USP9X: variants seen among roughly 807,000 people sequenced by gnomAD.
USP9X encodes the protein ubiquitin specific peptidase 9 X-linked.
Under a neutral mutation model 190.3 loss-of-function variants are expected in USP9X, and 7 were observed. That is an observed-to-expected ratio of 0.04 (90% CI 0.02 to 0.07). The LOEUF (loss-of-function observed/expected upper bound fraction) is 0.07, where lower values mean the gene tolerates loss of function less well. Ranked by LOEUF, USP9X falls within the 10% of genes least tolerant of loss-of-function variation. The pLI is 1.00. For synonymous variants in USP9X, 645 were observed against 659.5 expected (o/e 0.98, Z 0.34); for missense variants, 1,010 against 1,916.9 (o/e 0.53, Z 8.83).
At chrX:41,087,781 T>C (rs1053940028) in intron 1 of USP9X, among the ~76,000 whole-genome samples, 1 of 112,392 alleles carries the variant, frequency 8.9e-6, no homozygotes, top group African/African-American at 3.2e-5. Flanking sequence ...TGCATGAACA[T>C]GTAACTTGTA....
Position 41,197,352 on chromosome X carries a change from C to CCCCCCCGGGGGGGGGG in USP9X, c.4234-12_4234-11insCCCCCCGGGGGGGGGG. 1 of 988,219 alleles carries CCCCCCCGGGGGGGGGG rather than the reference C, an allele frequency of 1.0e-6. No individual in the cohort carries two copies. Among genetic ancestry groups the CCCCCCCGGGGGGGGGG allele is most frequent in the Non-Finnish European group, 1.3e-6 (1 of 759,386 alleles). The allele number at this position is 988,219 out of a possible 1,213,427, so 81.4% of individuals were successfully genotyped here. A position where few individuals can be genotyped will look rare whatever the true frequency, so the allele number is the denominator to read the frequency against. ...TTCTTCCCCCCCCCACCCCACCCCCCGCCTTTGGCAGGATGATGTTAAAAG... is the reference window on the plus strand; with the variant it reads ...TTCTTCCCCCCCCCACCCCACCCCCCCCCCCCGGGGGGGGGGGCCTTTGGCAGGATGATGTTAAAAG... On this transcript the variant is annotated splice_polypyrimidine_tract_variant and intron_variant, in intron 28 of 44. Coordinates refer to ENST00000378308, the MANE Select transcript of USP9X (RefSeq NM_001039591.3).
At chrX:41,160,382 C>T (rs1425138724) in intron 14 of USP9X, among the ~76,000 whole-genome samples, 1 of 109,846 alleles carries the variant, frequency 9.1e-6, no homozygotes, top group African/African-American at 3.3e-5. Context: ...AAGAGGGCCT[C>T]TTCATTCCTA....
chrX:41,207,079 CTTTTTTTTTTTTTT>C lies in USP9X; in HGVS notation c.5015+1599_5015+1612del, dbSNP rs34779889. Among the ~76,000 whole-genome samples the C allele has an allele frequency of 2.3e-4, 7 of 30,484 alleles. No individual in the cohort carries two copies. In the Admixed American group the frequency reaches 3.9e-3, roughly 17 times the overall value. 26.5% of individuals were successfully genotyped at this position (30,484 alleles called of 115,157 possible). A position where few individuals can be genotyped will look rare whatever the true frequency, so the allele number is the denominator to read the frequency against. On this transcript the variant is annotated intron_variant, in intron 32 of 44. Coordinates refer to ENST00000378308, the MANE Select transcript of USP9X (RefSeq NM_001039591.3). ...TAGGCATGAGCTACTGCTCCCTGGC[CTTTTTTTTTTTTTT>C]TTTTTTTTTTTTGGAGATAGAGTCT... is the stretch of plus-strand genomic sequence containing the variant.
At chrX:41,151,268 A>G (rs1208988438) in intron 13 of USP9X, among the ~76,000 whole-genome samples, 2 of 111,189 alleles carry the variant, frequency 1.8e-5, no homozygotes, top group Non-Finnish European at 3.8e-5. Context: ...GTGATAAATC[A>G]GAATCAAGGT....
intron 38 of USP9X, among the ~76,000 whole-genome samples, chrX:41,221,411 A>T (rs1220898524): frequency 8.9e-6 from 1 of 111,945 alleles, no homozygotes; most frequent in African/African-American, 3.2e-5. Context: ...GCCATAAAAT[A>T]TGTTAATAGC....
chrX:41,088,369 G>C (rs1421018132), intron 1 of USP9X, among the ~76,000 whole-genome samples: 2 of 111,769 alleles, frequency 1.8e-5, no homozygotes, highest in African/African-American at 6.5e-5. Flanking sequence ...ATTTTTCTTT[G>C]ACATGGTGGT....
chrX:41,218,991 TCCTTC>T, intron 37 of USP9X, 106 bp from the exon 38 acceptor site: 5 of 779,504 alleles, frequency 6.4e-6, no homozygotes, highest in Non-Finnish European at 8.8e-6. Flanking sequence ...GTGTGATCAG[TCCTTC>T]CATAAATGTA....
At chrX:41,197,288 C>T in intron 28 of USP9X, 76 bp from the exon 29 acceptor site, 2 of 746,687 alleles carry the variant, frequency 2.7e-6, no homozygotes, top group Admixed American at 6.4e-5. Context: ...TGGCTCCTCT[C>T]TCCCTCTTTA....
At chrX:41,160,318 A>G (rs952265174) in intron 14 of USP9X, among the ~76,000 whole-genome samples, 5 of 108,973 alleles carry the variant, frequency 4.6e-5, no homozygotes, top group African/African-American at 1.7e-4. Context: ...ATTTATATAT[A>G]TACATATATA....
At chrX:41,088,541 C>T (rs1194672478) in intron 1 of USP9X, among the ~76,000 whole-genome samples, 1 of 112,138 alleles carries the variant, frequency 8.9e-6, no homozygotes, top group African/African-American at 3.2e-5. Context: ...TAAAACCAAT[C>T]TTTGTTTAAA....
chrX:41,202,183 A>C (rs752343284), intron 31 of USP9X, among the ~76,000 whole-genome samples: 1 of 111,835 alleles, frequency 8.9e-6, no homozygotes, highest in Non-Finnish European at 1.9e-5. Context: ...TATTCTTTGA[A>C]TTTCCCTTAG....
At chrX:41,187,854 A>G (rs2062895797) in intron 24 of USP9X, 138 bp from the exon 25 acceptor site, 1 of 624,409 alleles carries the variant, frequency 1.6e-6, no homozygotes, top group Non-Finnish European at 2.3e-6. Flanking sequence ...TTTTTAAGAC[A>G]AAGGCAACTT....
intron 32 of USP9X, among the ~76,000 whole-genome samples, chrX:41,206,024 G>A (rs1228486046): frequency 9.2e-6 from 1 of 108,479 alleles, no homozygotes; most frequent in Non-Finnish European, 1.9e-5. Context: ...CCAAGTAGCT[G>A]GGATTACAGG....
Position 41,153,053 on chromosome X carries a change from C to T in USP9X, c.1869C>T (p.Tyr623=). 2 of 1,209,916 alleles carry T rather than the reference C, an allele frequency of 1.7e-6. No homozygotes were observed. Among genetic ancestry groups the T allele is most frequent in the Non-Finnish European group, 2.2e-6 (2 of 894,544 alleles). ...TGGTAGCAGAAAACCTTGCAACTTA[C>T]ATGGAAAGCATGAGACTATATGCTA... is the stretch of plus-strand genomic sequence containing the variant. ...VTLVAENLAT[Y]MESMRLYARD... is the part of the protein sequence containing the mutation. Residue 623 remains tyrosine (Y), a synonymous_variant, in exon 14 of 45, where the codon TAC becomes TAT. Transcript: ENST00000378308.
intron 30 of USP9X, 142 bp downstream of exon 30, chrX:41,198,892 T>G (rs1173195028): frequency 4.9e-6 from 3 of 609,684 alleles, no homozygotes; most frequent in Non-Finnish European, 7.4e-6. Flanking sequence ...AATGAACAGT[T>G]AAGACCATTA....
chrX:41,156,713 C>T (rs898567866), intron 14 of USP9X, among the ~76,000 whole-genome samples: 1 of 111,878 alleles, frequency 8.9e-6, no homozygotes, highest in Non-Finnish European at 1.9e-5. Context: ...TGAACAGTAA[C>T]ATAGATGTTC....
chrX:41,224,224 T>C (rs766635544), intron 39 of USP9X, among the ~76,000 whole-genome samples: 1 of 110,940 alleles, frequency 9.0e-6, no homozygotes, highest in South Asian at 3.8e-4. Flanking sequence ...AAAATTAACT[T>C]TTTATATTTA....
In USP9X at chrX:41,210,616, C is replaced by T; in HGVS notation, c.5123C>T (p.Ala1708Val). ...DEALKALGHPAMLSKVLGGSF... is the reference protein window; with the variant it reads ...DEALKALGHPVMLSKVLGGSF... Reference sequence around the variant, plus strand: ...GCTTTAAAAGCTTTAGGACATCCAGCTATGCTAAGTAAAGTCTTAGGAGGT... The same window carrying T: ...GCTTTAAAAGCTTTAGGACATCCAGTTATGCTAAGTAAAGTCTTAGGAGGT... Residue 1708 changes from alanine (A) to valine (V), a missense_variant, in exon 33 of 45, where the codon GCT (alanine) becomes GTT (valine). Transcript: ENST00000378308. 8.3e-7 allele frequency: 1 copy of T among 1,211,059 alleles called. No homozygotes were observed.
chrX:41,099,262 G>A (rs2062018822), intron 1 of USP9X, among the ~76,000 whole-genome samples: 1 of 109,247 alleles, frequency 9.2e-6, no homozygotes, highest in South Asian at 4.0e-4. Context: ...AGATTGTTCA[G>A]TGTTTTCACC....
Sources: allele counts gnomAD v4.1 joint callset (sites outside exome capture counted in the v4.1 genomes callset), GRCh38; gene constraint gnomAD v4.1.1; transcripts MANE v1.5; gene names NCBI Gene and HGNC (gene_info 2026-07-23, HGNC 2026-07-21).